The following IMMP2L variants were observed in gnomAD, a reference collection of about 807,000 sequenced individuals.
IMMP2L encodes inner mitochondrial membrane peptidase subunit 2, also known as mitochondrial inner membrane protease subunit 2.
IMMP2L carries 18 observed loss-of-function variants against 19.3 expected under a neutral mutation model. The observed-to-expected ratio is 0.93, with a 90% CI of 0.64 to 1.38. The LOEUF (loss-of-function observed/expected upper bound fraction) is 1.38. IMMP2L is among the 40% of genes most tolerant of loss of function. IMMP2L has a pLI of 0.00. For synonymous variants in IMMP2L, 76 were observed against 73.0 expected (o/e 1.04, Z -0.21); for missense variants, 233 against 218.2 (o/e 1.07, Z -0.43).
intron 3 of IMMP2L, among the ~76,000 whole-genome samples, chr7:111,010,865 G>A (rs1252414457): frequency 2.0e-5 from 3 of 151,938 alleles, no homozygotes; most frequent in African/African-American, 7.3e-5. Flanking sequence ...CTACAAACGT[G>A]GCAAAGTTTC....
chr7:110,715,777 C>G (rs547601918), intron 5 of IMMP2L, among the ~76,000 whole-genome samples: 44 of 152,150 alleles, frequency 2.9e-4, no homozygotes, highest in Middle Eastern at 3.4e-3. Flanking sequence ...TCCAATTGGT[C>G]AAGTATCAAA....
chr7:111,484,312 A>C (rs1842438425), intron 3 of IMMP2L, among the ~76,000 whole-genome samples: 1 of 152,206 alleles, frequency 6.6e-6, no homozygotes, highest in African/African-American at 2.4e-5. Flanking sequence ...TTAAGTAAGA[A>C]TTTGGAAACT....
At chr7:111,254,843 T>C (rs1409518987) in intron 3 of IMMP2L, among the ~76,000 whole-genome samples, 1 of 152,134 alleles carries the variant, frequency 6.6e-6, no homozygotes, top group Non-Finnish European at 1.5e-5. Flanking sequence ...ACTGTGCAGT[T>C]CCAACCTGTG....
chr7:111,014,486 T>A (rs1385891392), intron 3 of IMMP2L, among the ~76,000 whole-genome samples: 4 of 152,130 alleles, frequency 2.6e-5, no homozygotes, highest in African/African-American at 4.8e-5. Context: ...CTGAACTCTG[T>A]TTTTATCATA....
chr7:111,252,796 C>A (rs1587054931), intron 3 of IMMP2L, among the ~76,000 whole-genome samples: 1 of 151,746 alleles, frequency 6.6e-6, no homozygotes, highest in East Asian at 1.9e-4. Flanking sequence ...TTTTCAAGAC[C>A]CAAACATTAG....
At chr7:110,986,800 G>T in intron 3 of IMMP2L, among the ~76,000 whole-genome samples, 1 of 148,044 alleles carries the variant, frequency 6.8e-6, no homozygotes, top group Admixed American at 6.7e-5. Context: ...AGGGTGGATT[G>T]AAATATATCT....
At chr7:111,463,682 C>A (rs994036619) in intron 3 of IMMP2L, among the ~76,000 whole-genome samples, 2 of 152,116 alleles carry the variant, frequency 1.3e-5, no homozygotes, top group Non-Finnish European at 2.9e-5. Context: ...TGCCATCAGG[C>A]TATGATGACA....
At chr7:111,538,816 TAAAA>T (rs768599585) in intron 1 of IMMP2L, among the ~76,000 whole-genome samples, 1 of 82,428 alleles carries the variant, frequency 1.2e-5, no homozygotes, top group Non-Finnish European at 2.4e-5. Flanking sequence ...CTGGCTCATT[TAAAA>T]AAAAAAAAAA....
chr7:111,023,790 G>T (rs75770969), intron 3 of IMMP2L, among the ~76,000 whole-genome samples: 17,285 of 152,154 alleles, frequency 0.11, 1,088 homozygotes, highest in Middle Eastern at 0.19. Flanking sequence ...GGATGTAGTG[G>T]TTAATGTATG....
chr7:111,453,787 T>C (rs1218619310), intron 3 of IMMP2L, among the ~76,000 whole-genome samples: 1 of 152,156 alleles, frequency 6.6e-6, no homozygotes, highest in Non-Finnish European at 1.5e-5. Flanking sequence ...TGTTATTTTA[T>C]TTGTGGCAAG....
At chr7:110,878,957 TA>T (rs1809355903) in intron 5 of IMMP2L, among the ~76,000 whole-genome samples, 1 of 152,184 alleles carries the variant, frequency 6.6e-6, no homozygotes, top group Non-Finnish European at 1.5e-5. Flanking sequence ...AATTTATAGT[TA>T]AATGTTAAAT....
chr7:111,187,578 G>C (rs989729726), intron 3 of IMMP2L, among the ~76,000 whole-genome samples: 6 of 152,086 alleles, frequency 3.9e-5, no homozygotes, highest in Non-Finnish European at 8.8e-5. Flanking sequence ...ACTATGCTTA[G>C]CACAAAGTAT....
intron 5 of IMMP2L, among the ~76,000 whole-genome samples, chr7:110,847,965 G>A (rs553648157): frequency 2.0e-5 from 3 of 152,096 alleles, no homozygotes; most frequent in African/African-American, 7.2e-5. Flanking sequence ...ACCCCTAGAA[G>A]ATAACATGGA....
At chr7:110,764,056 A>G (rs1235711103) in intron 5 of IMMP2L, among the ~76,000 whole-genome samples, 1 of 152,150 alleles carries the variant, frequency 6.6e-6, no homozygotes, top group African/African-American at 2.4e-5. Context: ...CAGAAGCCTT[A>G]AATGAAGCGA....
chr7:110,673,032 C>T (rs951773532), intron 5 of IMMP2L, among the ~76,000 whole-genome samples: 1 of 152,226 alleles, frequency 6.6e-6, no homozygotes, highest in African/African-American at 2.4e-5. Flanking sequence ...CCCACATTTC[C>T]CTTCCACACT....
At chr7:110,883,752 T>C (rs538053938) in intron 5 of IMMP2L, among the ~76,000 whole-genome samples, 39 of 148,004 alleles carry the variant, frequency 2.6e-4, no homozygotes, top group Non-Finnish European at 5.5e-4. Flanking sequence ...AGGTGTTAAA[T>C]AAATAAATAA....
chr7:111,357,664 A>G (rs1280086104), intron 3 of IMMP2L, among the ~76,000 whole-genome samples: 1 of 152,160 alleles, frequency 6.6e-6, no homozygotes, highest in African/African-American at 2.4e-5. Flanking sequence ...ATTATGTCTA[A>G]ATATTTTTAT....
intron 5 of IMMP2L, among the ~76,000 whole-genome samples, chr7:110,865,703 G>A (rs957250634): frequency 2.0e-5 from 3 of 151,996 alleles, no homozygotes; most frequent in African/African-American, 7.2e-5. Flanking sequence ...AGAAGTCACT[G>A]TAGAGATACC....
intron 5 of IMMP2L, among the ~76,000 whole-genome samples, chr7:110,745,706 G>C (rs530381574): frequency 6.6e-6 from 1 of 152,300 alleles, no homozygotes; most frequent in South Asian, 2.1e-4. Flanking sequence ...AATGCTGAGA[G>C]ATTTTGTCAC....
Sources: allele counts gnomAD v4.1 joint callset (sites outside exome capture counted in the v4.1 genomes callset), GRCh38; gene constraint gnomAD v4.1.1; transcripts MANE v1.5; gene names NCBI Gene and HGNC (gene_info 2026-07-23, HGNC 2026-07-21).